Variants in EPC2 observed in about 807,000 individuals in gnomAD.
The protein encoded by EPC2 is enhancer of polycomb 2, also known as enhancer of polycomb homolog 2.
Under a neutral mutation model 92.1 loss-of-function variants are expected in EPC2, and 14 were observed. The observed-to-expected ratio is 0.15, with a 90% CI of 0.10 to 0.24. The LOEUF (loss-of-function observed/expected upper bound fraction) is 0.24. Ranked by LOEUF, EPC2 falls within the 10% of genes least tolerant of loss-of-function variation. The pLI is 1.00. For synonymous variants in EPC2, 340 were observed against 334.7 expected, an observed-to-expected ratio of 1.02 and a Z score of -0.17; for missense variants, 755 against 971.5, an observed-to-expected ratio of 0.78 and a Z score of 2.96.
At chr2:148,648,034 A>G (rs1406870981) in intron 1 of EPC2, among the ~76,000 whole-genome samples, 11 of 152,234 alleles carry the variant, frequency 7.2e-5, no homozygotes, top group Non-Finnish European at 1.3e-4. Context: ...CAATTGCCCA[A>G]TTTTAAGGAA....
At position 148,781,707 on chromosome 2, in the gene EPC2, G is replaced by T. The variant is rs1157343244; in HGVS notation, c.1784G>T (p.Arg595Met). 1.9e-6 allele frequency: 3 copies of T among 1,613,962 alleles called. No individual in the cohort carries two copies. The highest frequency in any genetic ancestry group is 2.5e-6 in the Non-Finnish European group (3 of 1,179,876). The change falls in exon 11 of 14, where the codon AGG (arginine) becomes ATG (methionine). Residue 595 changes from arginine to methionine, a missense_variant. Coordinates refer to ENST00000258484, the MANE Select transcript of EPC2 (RefSeq NM_015630.4). ...THQQQLVQMQ[R>M]QQLAQLQQKQ... ...CAGCAGCAGTTAGTTCAGATGCAAA[G>T]GCAGCAACTTGCCCAGCTTCAGCAG...
chr2:148,758,360 G>A (rs1326216422), intron 4 of EPC2, among the ~76,000 whole-genome samples: 1 of 152,034 alleles, frequency 6.6e-6, no homozygotes. Flanking sequence ...TGGTAAAATA[G>A]TGTTTCTGTA....
chr2:148,676,337 A>C (rs1681260374), intron 1 of EPC2, among the ~76,000 whole-genome samples: 2 of 152,038 alleles, frequency 1.3e-5, no homozygotes, highest in African/African-American at 4.8e-5. Flanking sequence ...TCTAGGTTTC[A>C]AAAAGATTTT....
intron 2 of EPC2, among the ~76,000 whole-genome samples, chr2:148,703,192 AT>A (rs1681922962): frequency 6.6e-6 from 1 of 152,090 alleles, no homozygotes; most frequent in Admixed American, 6.6e-5. Flanking sequence ...TAGTCTGTTA[AT>A]TGTGAACCTT....
intron 2 of EPC2, among the ~76,000 whole-genome samples, chr2:148,731,272 C>T (rs79949037): frequency 0.034 from 5,238 of 152,252 alleles, 294 homozygotes; most frequent in African/African-American, 0.12. Context: ...AAGGGAATGA[C>T]ACTTTTGCAG....
chr2:148,717,402 A>T (rs937745661), intron 2 of EPC2, among the ~76,000 whole-genome samples: 2 of 152,114 alleles, frequency 1.3e-5, no homozygotes, highest in African/African-American at 2.4e-5. Flanking sequence ...CCCGCTTAAC[A>T]CTGCTTTAGC....
chr2:148,740,469 T>TA (rs1274107354), intron 2 of EPC2, among the ~76,000 whole-genome samples: 1 of 152,148 alleles, frequency 6.6e-6, no homozygotes, highest in Non-Finnish European at 1.5e-5. Flanking sequence ...AGACTGCTAG[T>TA]GCAAGTCTTT....
At chr2:148,694,065 ATGAG>A (rs1412803311) in intron 2 of EPC2, among the ~76,000 whole-genome samples, 5 of 152,232 alleles carry the variant, frequency 3.3e-5, no homozygotes, top group African/African-American at 1.2e-4. Context: ...GAATAAATAA[ATGAG>A]TGAAAGAATT....
chr2:148,769,314 T>G, intron 8 of EPC2, 74 bp downstream of exon 8: 3 of 1,048,244 alleles, frequency 2.9e-6, no homozygotes, highest in Non-Finnish European at 4.3e-6. Flanking sequence ...GATGACTTAG[T>G]CTTGATCTAA....
At chr2:148,708,822 C>CTCCATCAA (rs1028987138) in intron 2 of EPC2, among the ~76,000 whole-genome samples, 1 of 152,126 alleles carries the variant, frequency 6.6e-6, no homozygotes, top group Non-Finnish European at 1.5e-5. Context: ...TCTCAATAAA[C>CTCCATCAA]TAGGCATTGA....
chr2:148,748,360 G>A (rs1020601225), intron 3 of EPC2, among the ~76,000 whole-genome samples: 1 of 152,010 alleles, frequency 6.6e-6, no homozygotes, highest in African/African-American at 2.4e-5. Context: ...GTTCTTTATA[G>A]CAATGCAAGA....
rs746682439 is a variant in EPC2, at chr2:148,743,695, C to T, written c.387C>T (p.Asn129=). The change falls in exon 3 of 14, where the codon AAC becomes AAT. Residue 129 remains asparagine, a synonymous_variant. Transcript: ENST00000258484. ...SEDETLLNRL[N]RKMEIKPLQF... Reference sequence around the variant, plus strand: ...ATGAGACTTTATTAAATAGACTTAACAGAAAGATGGAAATTAAGCCTTTGC... The same window carrying T: ...ATGAGACTTTATTAAATAGACTTAATAGAAAGATGGAAATTAAGCCTTTGC... The T allele has an allele frequency of 4.4e-6, 7 of 1,605,184 alleles. No homozygotes were observed. The highest frequency in any genetic ancestry group is 6.0e-6 in the Non-Finnish European group (7 of 1,176,166).
intron 4 of EPC2, among the ~76,000 whole-genome samples, chr2:148,758,438 C>T (rs1270916151): frequency 6.6e-6 from 1 of 152,072 alleles, no homozygotes; most frequent in East Asian, 1.9e-4. Context: ...CTCTGTTGCC[C>T]AGGCTGAAAT....
Position 148,762,764 on chromosome 2 carries a change from A to G in EPC2, c.910A>G (p.Asn304Asp). Residue 304 changes from asparagine (N) to aspartate (D), a missense_variant, in exon 6 of 14, where the codon AAT becomes GAT. Asn to Asp is a conservative substitution (Grantham distance 23, BLOSUM62 1). Coordinates refer to ENST00000258484, the MANE Select transcript of EPC2 (RefSeq NM_015630.4). ...ELYATPATLH[N>D]GNHHKVQECK... ...ATATGCCACTCCAGCAACTCTTCATAATGGAAATCATCACAAAGTTCAAGA... is the reference window on the plus strand; with the variant it reads ...ATATGCCACTCCAGCAACTCTTCATGATGGAAATCATCACAAAGTTCAAGA... 2 of 1,609,878 alleles carry G rather than the reference A, an allele frequency of 1.2e-6. No individual in the cohort carries two copies. The highest frequency in any genetic ancestry group is 1.7e-6 in the Non-Finnish European group (2 of 1,178,662).
intron 2 of EPC2, among the ~76,000 whole-genome samples, chr2:148,734,199 T>C (rs1304818636): frequency 6.6e-6 from 1 of 152,158 alleles, no homozygotes; most frequent in African/African-American, 2.4e-5. Flanking sequence ...TCTTTTTTTT[T>C]CTATGAATTA....
chr2:148,762,827 T>C, intron 6 of EPC2, 25 bp downstream of exon 6: 1 of 1,583,984 alleles, frequency 6.3e-7, no homozygotes, highest in Non-Finnish European at 8.6e-7. Flanking sequence ...GGAAGAAGCA[T>C]GTATGGATGG....
intron 1 of EPC2, among the ~76,000 whole-genome samples, chr2:148,676,776 TGCTCTC>T (rs1681271927): frequency 2.7e-5 from 1 of 36,518 alleles, no homozygotes; most frequent in Non-Finnish European, 7.4e-5. Flanking sequence ...GACATTTAGG[TGCTCTC>T]TCTCTCTCTC....
intron 13 of EPC2, 131 bp downstream of exon 13, chr2:148,785,132 A>T: frequency 1.4e-6 from 1 of 737,432 alleles, no homozygotes; most frequent in Non-Finnish European, 2.0e-6. Context: ...GATACTGAAG[A>T]TCTGTATAAA....
chr2:148,783,780 A>C (rs1278672637), intron 12 of EPC2, 24 bp downstream of exon 12: 14 of 1,567,076 alleles, frequency 8.9e-6, no homozygotes, highest in Non-Finnish European at 1.1e-5. Context: ...TTCACATGGT[A>C]CCTACTTTCT....
Sources: gnomAD v4.1 joint callset for allele counts (sites outside exome capture counted in the v4.1 genomes callset) on GRCh38, gnomAD v4.1.1 for gene constraint, MANE v1.5 for transcripts, NCBI Gene and HGNC (gene_info 2026-07-23, HGNC 2026-07-21) for gene names.